The following ROCK2 variants were observed in gnomAD, a reference collection of about 807,000 sequenced individuals.
The protein encoded by ROCK2 is Rho associated coiled-coil containing protein kinase 2, also known as rho-associated protein kinase 2.
ROCK2 carries 61 observed loss-of-function variants against 195.1 expected under a neutral mutation model. The observed-to-expected ratio is 0.31, with a 90% CI of 0.25 to 0.39. ROCK2 has a LOEUF of 0.39. ROCK2 is among the 10% of genes least tolerant of loss of function. ROCK2 has a pLI of 1.00. For missense variants in ROCK2, 1,109 were observed against 1,637.4 expected (o/e 0.68, Z 5.57); for synonymous variants, 504 against 545.5 (o/e 0.92, Z 1.06).
intron 1 of ROCK2, among the ~76,000 whole-genome samples, chr2:11,336,646 G>A (rs1668937764): frequency 6.6e-6 from 1 of 152,172 alleles, no homozygotes; most frequent in South Asian, 2.1e-4. Flanking sequence ...AAATTTAAAA[G>A]TCCAACTGTC....
chr2:11,276,972 A>G (rs1666847885), intron 3 of ROCK2, among the ~76,000 whole-genome samples: 1 of 152,174 alleles, frequency 6.6e-6, no homozygotes, highest in Admixed American at 6.5e-5. Context: ...TTTTATTAAT[A>G]GACTTTATTT....
intron 15 of ROCK2, 40 bp downstream of exon 15, chr2:11,215,281 A>G (rs1409904673): frequency 6.7e-7 from 1 of 1,500,136 alleles, no homozygotes; most frequent in East Asian, 2.3e-5. Context: ...CGCGTTAAAA[A>G]TAAAACCCAG....
At chr2:11,185,236 T>C (rs914881737) in intron 32 of ROCK2, among the ~76,000 whole-genome samples, 1 of 152,206 alleles carries the variant, frequency 6.6e-6, no homozygotes, top group African/African-American at 2.4e-5. Flanking sequence ...TGAATTCCAG[T>C]AGGACCCTGC....
rs564194657 is a variant in ROCK2, at chr2:11,249,778, C to T, written c.345G>A (p.Gln115=). The change falls in exon 4 of 33, where the codon CAG becomes CAA. Residue 115 remains glutamine (Q), a synonymous_variant. Coordinates refer to ENST00000315872, the MANE Select transcript of ROCK2 (RefSeq NM_004850.5). ...EVQLVRHKAS[Q]KVYAMKLLSK... ...TAAGAAGCTTCATAGCATAAACCTT[C>T]TGCGATGCCTTGTGACGAACCTGTT... The T allele has an allele frequency of 4.3e-5, 67 of 1,543,420 alleles. No individual in the cohort carries two copies. The East Asian group carries it at 8.4e-4, about 19-fold the overall frequency.
At chr2:11,343,882 G>C (rs1669191615) in intron 1 of ROCK2, 114 bp downstream of exon 1, 3 of 1,313,516 alleles carry the variant, frequency 2.3e-6, no homozygotes, top group Admixed American at 2.9e-5. Flanking sequence ...GAAGCAGGGC[G>C]GGGTGGGGCA....
intron 4 of ROCK2, among the ~76,000 whole-genome samples, chr2:11,247,323 A>G (rs1476704981): frequency 6.6e-6 from 1 of 152,232 alleles, no homozygotes; most frequent in African/African-American, 2.4e-5. Context: ...ATTCAAAATC[A>G]TTGAATAAAA....
chr2:11,326,319 C>G (rs1165612125), intron 1 of ROCK2, among the ~76,000 whole-genome samples: 1 of 152,122 alleles, frequency 6.6e-6, no homozygotes, highest in Non-Finnish European at 1.5e-5. Context: ...GCTTTGCGTA[C>G]TGTCATAGAA....
chr2:11,286,792 C>T (rs970314890), intron 2 of ROCK2, among the ~76,000 whole-genome samples, 153 bp from the exon 3 acceptor site: 1 of 152,126 alleles, frequency 6.6e-6, no homozygotes, highest in Non-Finnish European at 1.5e-5. Flanking sequence ...CTAAGATATA[C>T]ATTAACGTTA....
chr2:11,298,081 CA>C (rs1363358016), intron 1 of ROCK2, among the ~76,000 whole-genome samples: 1 of 152,118 alleles, frequency 6.6e-6, no homozygotes, highest in Non-Finnish European at 1.5e-5. Context: ...AAGCTGTATA[CA>C]TACAATGTAC....
chr2:11,288,160 C>T (rs1426081769), intron 1 of ROCK2, among the ~76,000 whole-genome samples: 1 of 152,174 alleles, frequency 6.6e-6, no homozygotes, highest in Non-Finnish European at 1.5e-5. Flanking sequence ...ATAAATAACA[C>T]CATCCTTACC....
At position 11,207,919 on chromosome 2, in the gene ROCK2, TA is replaced by T; in HGVS notation, c.2365-10del. 6.5e-7 allele frequency: 1 copy of T among 1,542,256 alleles called. No individual in the cohort carries two copies. Among genetic ancestry groups the T allele is most frequent in the Non-Finnish European group, 8.7e-7 (1 of 1,143,538 alleles). ...AATGTCAGGTTTCTAACCTAAGAAA[TA>T]AATTGTGTACTTGGTATATAAGTAA... On this transcript the variant is annotated splice_polypyrimidine_tract_variant and intron_variant, in intron 19 of 32. Coordinates refer to ENST00000315872, the MANE Select transcript of ROCK2 (RefSeq NM_004850.5).
chr2:11,281,208 T>TAAAA (rs1173116040), intron 3 of ROCK2, among the ~76,000 whole-genome samples: 6 of 100,574 alleles, frequency 6.0e-5, no homozygotes, highest in African/African-American at 1.6e-4. Flanking sequence ...ACTCATTATT[T>TAAAA]AAAAAAAAAA....
At chr2:11,205,649 C>A (rs545211504) in intron 20 of ROCK2, among the ~76,000 whole-genome samples, 33 of 151,386 alleles carry the variant, frequency 2.2e-4, no homozygotes, top group Non-Finnish European at 3.8e-4. Flanking sequence ...CTTATCTTCC[C>A]CACTGAATAA....
chr2:11,255,732 C>T (rs1333159008), intron 3 of ROCK2, among the ~76,000 whole-genome samples: 1 of 150,122 alleles, frequency 6.7e-6, no homozygotes. Context: ...CCAGCCTGGC[C>T]AACATGGTGA....
intron 1 of ROCK2, among the ~76,000 whole-genome samples, chr2:11,343,673 A>G (rs1669182013): frequency 6.6e-6 from 1 of 152,174 alleles, no homozygotes; most frequent in Non-Finnish European, 1.5e-5. Context: ...CTGGTGTATG[A>G]AGCATGGCCA....
intron 1 of ROCK2, chr2:11,308,848 C>T: frequency 6.2e-7 from 1 of 1,611,758 alleles, no homozygotes; most frequent in Non-Finnish European, 8.5e-7. Context: ...TAGAACTATA[C>T]AAGAAACCCA....
At chr2:11,284,318 T>C (rs924679192) in intron 3 of ROCK2, among the ~76,000 whole-genome samples, 1 of 152,160 alleles carries the variant, frequency 6.6e-6, no homozygotes, top group African/African-American at 2.4e-5. Flanking sequence ...AGTATAACGA[T>C]GGGCATATAT....
chr2:11,263,328 G>A (rs1453549199), intron 3 of ROCK2, among the ~76,000 whole-genome samples: 2 of 152,138 alleles, frequency 1.3e-5, no homozygotes, highest in African/African-American at 4.8e-5. Flanking sequence ...GTGCTATACA[G>A]CATACTGAAA....
At chr2:11,204,581 T>C (rs1444797965) in intron 20 of ROCK2, among the ~76,000 whole-genome samples, 2 of 152,198 alleles carry the variant, frequency 1.3e-5, no homozygotes, top group Non-Finnish European at 2.9e-5. Flanking sequence ...CCTAGAACAG[T>C]CCCTCTGGGC....
Sources: allele counts gnomAD v4.1 joint callset (sites outside exome capture counted in the v4.1 genomes callset), GRCh38; gene constraint gnomAD v4.1.1; transcripts MANE v1.5; gene names NCBI Gene and HGNC (gene_info 2026-07-23, HGNC 2026-07-21).